OXGR1: variants seen among roughly 807,000 people sequenced by gnomAD.
OXGR1 encodes 2-oxoglutarate receptor 1.
Under a neutral mutation model 10.0 loss-of-function variants are expected in OXGR1, and 10 were observed. That is an observed-to-expected ratio of 1.00 (90% CI 0.62 to 1.70). OXGR1 has a LOEUF of 1.70. Among genes scored for constraint, OXGR1 ranks in the 40% most tolerant of loss-of-function variants. OXGR1 has a pLI of 0.00. For synonymous variants in OXGR1, 191 were observed against 155.9 expected (o/e 1.22, Z -1.68); for missense variants, 398 against 407.6 (o/e 0.98, Z 0.20).
At chr13:96,991,827 C>T (rs535876253) in intron 2 of OXGR1, among the ~76,000 whole-genome samples, 113 of 152,242 alleles carry the variant, frequency 7.4e-4, no homozygotes, top group Middle Eastern at 3.4e-3. Flanking sequence ...TTGGAAGCAA[C>T]CTAAGTGTCC....
rs149963863 is a variant in OXGR1 at position 96,987,079 on chromosome 13, A to G, written c.681T>C (p.His227=). The G allele has an allele frequency of 1.2e-6, 2 of 1,614,120 alleles. No individual in the cohort carries two copies. Among genetic ancestry groups the G allele is most frequent in the African/African-American group, 2.7e-5 (2 of 74,942 alleles). Reference sequence around the variant, plus strand: ...TAAGGCAGCTGTCAGTTTGCAGTCCATGGGTCAGAGTGTGGATAATCGTGG... The same window carrying G: ...TAAGGCAGCTGTCAGTTTGCAGTCCGTGGGTCAGAGTGTGGATAATCGTGG... The part of the protein sequence containing the change: ...CYTTIIHTLT[H]GLQTDSCLKQ... The change falls in exon 4 of 4, where the codon CAT becomes CAC. Residue 227 remains histidine, a synonymous_variant. Transcript: ENST00000541038.
rs1431692798 is a variant in OXGR1, at chr13:96,986,104, A to G, written c.*642T>C. 6.6e-6 allele frequency: 1 copy of G among 152,374 alleles called. No homozygotes were observed. Among genetic ancestry groups the G allele is most frequent in the African/African-American group, 2.4e-5 (1 of 41,584 alleles). The allele number at this position is 152,374 out of a possible 1,614,324, so 9.4% of individuals were successfully genotyped here. ...AACTTTTTAACAACAATAAAGACAT[A>G]ATACTCCAAATATATTGCAGGTACT... On this transcript the variant is annotated 3_prime_UTR_variant, in exon 4 of 4. Transcript: ENST00000541038.
chr13:96,988,539 C>T (rs1881898741), intron 3 of OXGR1, among the ~76,000 whole-genome samples: 2 of 152,148 alleles, frequency 1.3e-5, no homozygotes, highest in Admixed American at 6.5e-5. Context: ...TGCACATTTC[C>T]ACTCTTCCAA....
chr13:96,990,946 C>CAAAAAAAAAAAAAAAAAAAAAAAAAAAA (rs765856782), intron 2 of OXGR1, among the ~76,000 whole-genome samples: 8 of 97,176 alleles, frequency 8.2e-5, no homozygotes, highest in African/African-American at 3.8e-4. Flanking sequence ...AAGACTCTTT[C>CAAAAAAAAAAAAAAAAAAAAAAAAAAAA]AAAAAAAAAA....
chr13:96,987,825 A>G lies in OXGR1; in HGVS notation c.-66T>C. 7.3e-6 allele frequency: 11 copies of G among 1,503,822 alleles called. No individual in the cohort carries two copies. The highest frequency in any genetic ancestry group is 9.8e-6 in the Non-Finnish European group (11 of 1,127,322). 93.2% of individuals were successfully genotyped at this position (1,503,822 alleles called of 1,614,324 possible). ...GTTTGGCAATATGAATCAAATGAGC[A>G]GTAACTCGCTGATAAAGGAAAACAG... On this transcript the variant is annotated 5_prime_UTR_variant, in exon 4 of 4. Transcript: ENST00000541038.
chr13:96,986,674 CA>C lies in OXGR1; in HGVS notation c.*71del. 1 of 1,450,554 alleles carries C rather than the reference CA, an allele frequency of 6.9e-7. No homozygotes were observed. Among genetic ancestry groups the C allele is most frequent in the South Asian group, 1.3e-5 (1 of 74,222 alleles). The allele number at this position is 1,450,554 out of a possible 1,614,324, so 89.9% of individuals were successfully genotyped here. ...TTACCAGGAGTTCCATTGAGGGAGA[CA>C]TCCTGAACATCTTAGGATGCTAGGT... On this transcript the variant is annotated 3_prime_UTR_variant, in exon 4 of 4. Coordinates refer to ENST00000541038, the MANE Select transcript of OXGR1 (RefSeq NM_001346194.2).
chr13:96,986,465 G>A lies in OXGR1; in HGVS notation c.*281C>T. 2.9e-6 allele frequency: 1 copy of A among 347,148 alleles called. No individual in the cohort carries two copies. The highest frequency in any genetic ancestry group is 5.3e-6 in the Non-Finnish European group (1 of 190,400). The allele number at this position is 347,148 out of a possible 1,614,324, so 21.5% of individuals were successfully genotyped here. A position where few individuals can be genotyped will look rare whatever the true frequency, so the allele number is the denominator to read the frequency against. On this transcript the variant is annotated 3_prime_UTR_variant, in exon 4 of 4. Transcript: ENST00000541038. Reference sequence around the variant, plus strand: ...TTCCGTGTATATATAGTAAGTTGGTGGGAACAGATGTTCTCTAAGATGCCT... The same window carrying A: ...TTCCGTGTATATATAGTAAGTTGGTAGGAACAGATGTTCTCTAAGATGCCT...
rs1881766737 is a variant in OXGR1 at position 96,986,852 on chromosome 13, A to G, written c.908T>C (p.Val303Ala). ...CTGCTGAAAGTTGTCGCTGACCACC[A>G]CATATAGTAACAGGTTACCAAAGGT... is the stretch of plus-strand genomic sequence containing the variant. ...LNTFGNLLLY[V>A]VVSDNFQQAV... Residue 303 changes from valine to alanine, a missense_variant, in exon 4 of 4, where the codon GTG becomes GCG. Physicochemically the swap from Val to Ala is moderately conservative, Grantham distance 64 (BLOSUM62 0). Transcript: ENST00000541038. 1 of 1,614,186 alleles carries G rather than the reference A, an allele frequency of 6.2e-7. No homozygotes were observed.
chr13:96,986,695 C>G lies in OXGR1; in HGVS notation c.*51G>C. ...GAGACATCCTGAACATCTTAGGATG[C>G]TAGGTAAAGTATCAGCAAGTATTTG... On this transcript the variant is annotated 3_prime_UTR_variant, in exon 4 of 4. Coordinates refer to ENST00000541038, the MANE Select transcript of OXGR1 (RefSeq NM_001346194.2). 1.3e-6 allele frequency: 2 copies of G among 1,531,278 alleles called. No homozygotes were observed. Among genetic ancestry groups the G allele is most frequent in the Non-Finnish European group, 1.8e-6 (2 of 1,140,918 alleles). 94.9% of individuals were successfully genotyped at this position (1,531,278 alleles called of 1,614,324 possible).
At chr13:96,989,025 A>G (rs1881923250) in intron 3 of OXGR1, among the ~76,000 whole-genome samples, 2 of 152,186 alleles carry the variant, frequency 1.3e-5, no homozygotes, top group South Asian at 4.1e-4. Context: ...AATTATTTTA[A>G]CAAAATATAA....
chr13:96,987,230 C>T lies in OXGR1; in HGVS notation c.530G>A (p.Arg177Lys), dbSNP rs1267529617. Residue 177 changes from arginine to lysine, a missense_variant, in exon 4 of 4, where the codon AGG becomes AAG. Coordinates refer to ENST00000541038, the MANE Select transcript of OXGR1 (RefSeq NM_001346194.2). ...PMTFLITSTNRTNRSACLDLT... is the reference protein window; with the variant it reads ...PMTFLITSTNKTNRSACLDLT... ...GTCGAGACAGGCTGATCTGTTGGTC[C>T]TGTTGGTTGATGTGATCAAGAAGGT... 6.2e-7 allele frequency: 1 copy of T among 1,614,046 alleles called. No homozygotes were observed. Among genetic ancestry groups the T allele is most frequent in the Non-Finnish European group, 8.5e-7 (1 of 1,179,964 alleles).
intron 3 of OXGR1, 58 bp from the exon 4 acceptor site, chr13:96,987,891 T>A: frequency 8.1e-7 from 1 of 1,239,386 alleles, no homozygotes; most frequent in Middle Eastern, 2.1e-4. Flanking sequence ...GGATCTACTT[T>A]TAAATGAAAA....
At chr13:96,991,824 C>T (rs897806625) in intron 2 of OXGR1, among the ~76,000 whole-genome samples, 1 of 152,170 alleles carries the variant, frequency 6.6e-6, no homozygotes, top group East Asian at 1.9e-4. Context: ...GATTTGGAAG[C>T]AACCTAAGTG....
Position 96,987,676 on chromosome 13 carries a change from G to A in OXGR1, c.84C>T (p.Asn28=). ...GGAGGTAGTGCATCTTGAGTGGGATGTTTTCATCAGTGCAATTTCCAAAAG... is the reference window on the plus strand; with the variant it reads ...GGAGGTAGTGCATCTTGAGTGGGATATTTTCATCAGTGCAATTTCCAAAAG... The part of the protein sequence containing the change: ...AAAFGNCTDE[N]IPLKMHYLPV... Residue 28 remains asparagine (N), a synonymous_variant, in exon 4 of 4, where the codon AAC becomes AAT. Coordinates refer to ENST00000541038, the MANE Select transcript of OXGR1 (RefSeq NM_001346194.2). 13 of 1,614,078 alleles carry A rather than the reference G, an allele frequency of 8.1e-6. No homozygotes were observed. Among genetic ancestry groups the A allele is most frequent in the Non-Finnish European group, 1.1e-5 (13 of 1,179,996 alleles).
At position 96,987,455 on chromosome 13, in the gene OXGR1, C is replaced by T. The variant is rs765851131; in HGVS notation, c.305G>A (p.Gly102Glu). Residue 102 changes from glycine (G) to glutamate (E), a missense_variant, in exon 4 of 4, where the codon GGA (glycine) becomes GAA (glutamate). Gly to Glu is a moderately conservative substitution (Grantham distance 98). Transcript: ENST00000541038. ...YYASGENWIF[G>E]DFMCKFIRFS... The stretch of plus-strand genomic sequence containing the variant: ...GCGGATAAACTTACACATGAAATCT[C>T]CAAAGATCCAGTTTTCGCCACTGGC... 3 of 1,614,160 alleles carry T rather than the reference C, an allele frequency of 1.9e-6. No homozygotes were observed. In the Middle Eastern group the frequency reaches 4.9e-4, roughly 266 times the overall value.
In OXGR1 at chr13:96,987,368, C is replaced by G. The variant is rs145670146; in HGVS notation, c.392G>C (p.Arg131Pro). Residue 131 changes from arginine to proline, a missense_variant, in exon 4 of 4, where the codon CGC (arginine) becomes CCC (proline). Physicochemically the swap from Arg to Pro is moderately radical, Grantham distance 103. Transcript: ENST00000541038. ...CATTGGGTGAATGATCACACAGTAG[C>G]GGAAGATGCTGAAACAGGTGAGGAA... is the stretch of plus-strand genomic sequence containing the variant. ...ILFLTCFSIF[R>P]YCVIIHPMSC... The G allele has an allele frequency of 4.3e-6, 7 of 1,614,052 alleles. 1 individual carries two copies. In the African/African-American group the frequency reaches 9.3e-5, roughly 22 times the overall value.
intron 1 of OXGR1, among the ~76,000 whole-genome samples, chr13:96,994,001 T>C (rs1435956193): frequency 6.6e-6 from 1 of 152,106 alleles, no homozygotes; most frequent in Non-Finnish European, 1.5e-5. Flanking sequence ...AAGTGTGAGA[T>C]GAAATCAGAG....
Position 96,987,793 on chromosome 13 carries a change from G to T in OXGR1, c.-34C>A. 1 of 1,529,240 alleles carries T rather than the reference G, an allele frequency of 6.5e-7. No homozygotes were observed. Among genetic ancestry groups the T allele is most frequent in the Non-Finnish European group, 8.8e-7 (1 of 1,140,116 alleles). The allele number at this position is 1,529,240 out of a possible 1,614,324, so 94.7% of individuals were successfully genotyped here. A position where few individuals can be genotyped will look rare whatever the true frequency, so the allele number is the denominator to read the frequency against. Reference sequence around the variant, plus strand: ...CCTTTCATCTTGCAAGAAAACAAGAGAGTTCAGTTTGGCAATATGAATCAA... The same window carrying T: ...CCTTTCATCTTGCAAGAAAACAAGATAGTTCAGTTTGGCAATATGAATCAA... On this transcript the variant is annotated 5_prime_UTR_variant, in exon 4 of 4. Coordinates refer to ENST00000541038, the MANE Select transcript of OXGR1 (RefSeq NM_001346194.2).
Position 96,985,889 on chromosome 13 carries a change from G to A in OXGR1, c.*857C>T, listed in dbSNP as rs909794357. ...GTTCATTGTAGTCATAAAAGAACAA[G>A]GAGTCTAAAGAGAATTAGCGTTTCC... On this transcript the variant is annotated 3_prime_UTR_variant, in exon 4 of 4. Coordinates refer to ENST00000541038, the MANE Select transcript of OXGR1 (RefSeq NM_001346194.2). 3.3e-5 allele frequency: 5 copies of A among 152,118 alleles called. No individual in the cohort carries two copies. Among genetic ancestry groups the A allele is most frequent in the African/African-American group, 7.2e-5 (3 of 41,422 alleles). 9.4% of individuals were successfully genotyped at this position (152,118 alleles called of 1,614,324 possible).
Sources: allele counts gnomAD v4.1 joint callset (sites outside exome capture counted in the v4.1 genomes callset), GRCh38; gene constraint gnomAD v4.1.1; transcripts MANE v1.5; gene names NCBI Gene and HGNC (gene_info 2026-07-23, HGNC 2026-07-21).